Variants in SLC36A1 observed in about 807,000 individuals in gnomAD.
SLC36A1 encodes proton-coupled amino acid transporter 1.
A neutral mutation model predicts 47.5 loss-of-function variants in SLC36A1; 30 were observed. The ratio of observed to expected loss-of-function variants is 0.63; its 90% confidence interval spans 0.47 to 0.86. The LOEUF (loss-of-function observed/expected upper bound fraction) is 0.86, where lower values mean the gene tolerates loss of function less well. Among genes scored for constraint, SLC36A1 ranks in the 40% least tolerant of loss-of-function variants. The pLI is 0.00. For missense variants in SLC36A1, 517 were observed against 606.0 expected, an observed-to-expected ratio of 0.85 and a Z score of 1.54; for synonymous variants, 255 against 249.7, an observed-to-expected ratio of 1.02 and a Z score of -0.20.
At chr5:151,418,768 A>G in the SLC36A1 span, among the ~76,000 whole-genome samples, 2 of 152,128 alleles carry the variant, frequency 1.3e-5, no homozygotes, top group African/African-American at 4.8e-5. Context: ...GGGAGACTCT[A>G]GGGAGGGCAT....
the SLC36A1 span, among the ~76,000 whole-genome samples, chr5:151,536,806 A>C: frequency 6.6e-6 from 1 of 152,146 alleles, no homozygotes; most frequent in African/African-American, 2.4e-5. Context: ...CTTGGCCATG[A>C]CACTCACCTG....
At chr5:151,418,197 A>G in the SLC36A1 span, among the ~76,000 whole-genome samples, 1 of 152,250 alleles carries the variant, frequency 6.6e-6, no homozygotes, top group Non-Finnish European at 1.5e-5. Context: ...GCCCTCATGG[A>G]GAACCTCTGC....
the SLC36A1 span, among the ~76,000 whole-genome samples, chr5:151,388,059 A>T: frequency 2.0e-5 from 3 of 152,332 alleles, no homozygotes. Flanking sequence ...AAAAGTCTAC[A>T]TTCTGTAGAG....
At chr5:151,396,808 G>GT in the SLC36A1 span, among the ~76,000 whole-genome samples, 1 of 152,306 alleles carries the variant, frequency 6.6e-6, no homozygotes, top group Non-Finnish European at 1.5e-5. Flanking sequence ...AACAGGCACT[G>GT]TTATCCCATT....
chr5:151,382,188 C>A, the SLC36A1 span: 1 of 1,102,894 alleles, frequency 9.1e-7, no homozygotes, highest in Non-Finnish European at 1.4e-6. Context: ...ACTGAATGAG[C>A]AGCGTCTGAT....
chr5:151,349,730 A>G, the SLC36A1 span, among the ~76,000 whole-genome samples: 1 of 152,218 alleles, frequency 6.6e-6, no homozygotes, highest in Non-Finnish European at 1.5e-5. Flanking sequence ...ATAATCTCCT[A>G]TGATCCTTTA....
At chr5:151,427,368 A>G in the SLC36A1 span, among the ~76,000 whole-genome samples, 1 of 152,114 alleles carries the variant, frequency 6.6e-6, no homozygotes, top group African/African-American at 2.4e-5. Flanking sequence ...TCGGCAAATT[A>G]CCCCCAGGGA....
At chr5:151,505,077 C>G in the SLC36A1 span, 1 of 187,242 alleles carries the variant, frequency 5.3e-6, no homozygotes, top group African/African-American at 2.4e-5. Context: ...ACCTCTCAGC[C>G]CCTAGGAGGA....
At chr5:151,420,751 C>T in the SLC36A1 span, among the ~76,000 whole-genome samples, 1 of 152,162 alleles carries the variant, frequency 6.6e-6, no homozygotes, top group Non-Finnish European at 1.5e-5. Flanking sequence ...TTCTCCTCAC[C>T]ACTTCTTTTA....
chr5:151,491,204 G>A lies in SLC36A1; in HGVS notation c.*2950G>A, dbSNP rs1760087912. 6.6e-6 allele frequency: 1 copy of A among 152,668 alleles called. No individual in the cohort carries two copies. Among genetic ancestry groups the A allele is most frequent in the Admixed American group, 6.5e-5 (1 of 15,288 alleles). The allele number at this position is 152,668 out of a possible 1,614,324, so 9.5% of individuals were successfully genotyped here. A position where few individuals can be genotyped will look rare whatever the true frequency, so the allele number is the denominator to read the frequency against. On this transcript the variant is annotated 3_prime_UTR_variant, in exon 11 of 11. Coordinates refer to ENST00000243389, the MANE Select transcript of SLC36A1 (RefSeq NM_078483.4). ...CCTAAATGCAGGCACTTGCTAGGAA[G>A]AGTGTGAGCTGGCGTCTTCTGTTCA...
At chr5:151,412,383 A>G in the SLC36A1 span, 3 of 144,608 alleles carry the variant, frequency 2.1e-5, no homozygotes, top group African/African-American at 7.5e-5. Flanking sequence ...ATAGAGACAC[A>G]TATAGGAAAA....
the SLC36A1 span, among the ~76,000 whole-genome samples, chr5:151,418,039 C>A: frequency 6.6e-6 from 1 of 152,238 alleles, no homozygotes; most frequent in African/African-American, 2.4e-5. Context: ...TAAGAGGGTG[C>A]AAGCCCCAAG....
the SLC36A1 span, among the ~76,000 whole-genome samples, chr5:151,518,285 G>A: frequency 1.3e-5 from 2 of 151,580 alleles, no homozygotes; most frequent in Non-Finnish European, 2.9e-5. Flanking sequence ...GGAAGTCAAG[G>A]CTGCAGTGAA....
chr5:151,394,466 A>G, the SLC36A1 span, among the ~76,000 whole-genome samples: 3 of 152,198 alleles, frequency 2.0e-5, no homozygotes, highest in Admixed American at 6.5e-5. Context: ...TCCTTTGGAG[A>G]GGGAGAGGCT....
the SLC36A1 span, among the ~76,000 whole-genome samples, chr5:151,352,349 C>T: frequency 3.3e-5 from 5 of 152,186 alleles, no homozygotes; most frequent in East Asian, 1.9e-4. Context: ...TGGTCACCTT[C>T]CCAGTTCTTA....
At chr5:151,513,842 T>C in the SLC36A1 span, among the ~76,000 whole-genome samples, 117 of 152,356 alleles carry the variant, frequency 7.7e-4, no homozygotes, top group Middle Eastern at 3.4e-3. Context: ...TTTAAATATC[T>C]CAGTTTTAAT....
chr5:151,555,353 C>G, the SLC36A1 span, among the ~76,000 whole-genome samples: 4 of 149,784 alleles, frequency 2.7e-5, no homozygotes, highest in African/African-American at 9.8e-5. Flanking sequence ...CTACTTCTTA[C>G]TAATAATATA....
At chr5:151,527,980 C>T in the SLC36A1 span, 2 of 1,613,182 alleles carry the variant, frequency 1.2e-6, no homozygotes, top group Non-Finnish European at 1.7e-6. Context: ...GGGTGCGCCC[C>T]TCCCACATGA....
At chr5:151,462,715 A>G (rs1331804082) in intron 2 of SLC36A1, among the ~76,000 whole-genome samples, 1 of 149,402 alleles carries the variant, frequency 6.7e-6, no homozygotes, top group Non-Finnish European at 1.5e-5. Flanking sequence ...CTGGCCTCTT[A>G]TGGTGTGGTG....
Sources: allele counts gnomAD v4.1 joint callset (sites outside exome capture counted in the v4.1 genomes callset), GRCh38; gene constraint gnomAD v4.1.1; transcripts MANE v1.5; gene names NCBI Gene and HGNC (gene_info 2026-07-23, HGNC 2026-07-21).